Variants in EXT1 observed in about 807,000 individuals in gnomAD.
EXT1 encodes exostosin-1.
Under a neutral mutation model 82.5 loss-of-function variants are expected in EXT1, and 20 were observed. The ratio of observed to expected loss-of-function variants is 0.24; its 90% CI spans 0.17 to 0.35. The LOEUF (loss-of-function observed/expected upper bound fraction) is 0.35. Among genes scored for constraint, EXT1 ranks in the 10% least tolerant of loss-of-function variants. The pLI is 1.00. For synonymous variants in EXT1, 348 were observed against 350.8 expected, an observed-to-expected ratio of 0.99 and a Z score of 0.09; for missense variants, 757 against 936.5, an observed-to-expected ratio of 0.81 and a Z score of 2.50.
intron 1 of EXT1, among the ~76,000 whole-genome samples, chr8:118,017,988 A>C (rs1156846153): frequency 6.6e-6 from 1 of 152,242 alleles, no homozygotes; most frequent in Non-Finnish European, 1.5e-5. Context: ...ACTGTCAAGA[A>C]GGGGATTATA....
chr8:118,102,198 C>T (rs1334456615), intron 1 of EXT1, among the ~76,000 whole-genome samples: 1 of 151,916 alleles, frequency 6.6e-6, no homozygotes, highest in East Asian at 1.9e-4. Context: ...ACCCAGGAAG[C>T]GAAGGTTGCA....
In EXT1 at chr8:117,977,345, C is replaced by T. The variant is rs138749331; in HGVS notation, c.962+132740G>A. Among the ~76,000 whole-genome samples the T allele has an allele frequency of 5.4e-4, 80 of 147,636 alleles. No homozygotes were observed. In the East Asian group the frequency reaches 0.015, roughly 28 times the overall value. ...GAGGCTACAGCGAGCCGTGATTGTG[C>T]CACTGCATACCAGCCTGGGCAATAG... On this transcript the variant is annotated intron_variant, in intron 1 of 10. Coordinates refer to ENST00000378204, the MANE Select transcript of EXT1 (RefSeq NM_000127.3).
chr8:117,970,009 G>C (rs958520769), intron 1 of EXT1, among the ~76,000 whole-genome samples: 1 of 152,162 alleles, frequency 6.6e-6, no homozygotes, highest in African/African-American at 2.4e-5. Flanking sequence ...CCACAAAAAA[G>C]CCATGAGAAT....
intron 1 of EXT1, among the ~76,000 whole-genome samples, chr8:118,096,142 G>A (rs1204319089): frequency 2.0e-5 from 3 of 151,980 alleles, no homozygotes; most frequent in Non-Finnish European, 2.9e-5. Context: ...CAATCTTTTG[G>A]GAGAAAAACT....
In EXT1 at chr8:117,964,623, G is replaced by GTGTTTGTT. The variant is rs879779532; in HGVS notation, c.963-127430_963-127423dup. ...GTGGGTTTTATGTCTGTGTGTGTGT[G>GTGTTTGTT]TGTTTGTTTGTTTGTTTGTTTGTTT... is the stretch of plus-strand genomic sequence containing the variant. On this transcript the variant is annotated intron_variant, in intron 1 of 10. Coordinates refer to ENST00000378204, the MANE Select transcript of EXT1 (RefSeq NM_000127.3). Among the ~76,000 whole-genome samples the GTGTTTGTT allele has an allele frequency of 4.7e-5, 7 of 149,836 alleles. No individual in the cohort carries two copies. The East Asian group carries it at 5.8e-4, about 12-fold the overall frequency.
At chr8:118,102,829 CT>C (rs67827905) in intron 1 of EXT1, among the ~76,000 whole-genome samples, 4,777 of 150,582 alleles carry the variant, frequency 0.032, 223 homozygotes, top group African/African-American at 0.097. Flanking sequence ...GCTATGCATA[CT>C]TTTTTTTTTC....
chr8:117,969,454 C>T (rs937227172), intron 1 of EXT1, among the ~76,000 whole-genome samples: 9 of 152,146 alleles, frequency 5.9e-5, no homozygotes, highest in Non-Finnish European at 7.3e-5. Flanking sequence ...TAAAGTGAAA[C>T]GTCTCACTTT....
intron 1 of EXT1, among the ~76,000 whole-genome samples, chr8:118,099,722 A>G (rs1817683534): frequency 6.6e-6 from 1 of 152,242 alleles, no homozygotes; most frequent in Non-Finnish European, 1.5e-5. Context: ...GGACATAAAG[A>G]TTAAAGAAGA....
intron 1 of EXT1, among the ~76,000 whole-genome samples, chr8:117,969,479 G>A (rs1409650976): frequency 3.3e-5 from 5 of 152,196 alleles, no homozygotes; most frequent in Non-Finnish European, 7.3e-5. Context: ...TATGCACATT[G>A]ATCCCAGAGA....
At chr8:118,023,926 T>C (rs1816155326) in intron 1 of EXT1, among the ~76,000 whole-genome samples, 1 of 152,242 alleles carries the variant, frequency 6.6e-6, no homozygotes. Flanking sequence ...GGCTCCACAC[T>C]GCATGTGAAG....
chr8:117,854,458 A>G (rs918361463), intron 1 of EXT1, among the ~76,000 whole-genome samples: 1 of 152,170 alleles, frequency 6.6e-6, no homozygotes, highest in African/African-American at 2.4e-5. Flanking sequence ...ACACACACAC[A>G]CACATACACA....
chr8:117,877,012 C>A (rs529807628), intron 1 of EXT1, among the ~76,000 whole-genome samples: 1 of 152,096 alleles, frequency 6.6e-6, no homozygotes, highest in Non-Finnish European at 1.5e-5. Flanking sequence ...TAACAGAGAA[C>A]CCCTGGATGT....
chr8:117,929,402 C>A (rs1814009682), intron 1 of EXT1, among the ~76,000 whole-genome samples: 1 of 152,216 alleles, frequency 6.6e-6, no homozygotes. Flanking sequence ...CCTCCCTGCT[C>A]TTCAATGTGA....
chr8:117,873,966 T>C (rs1812922250), intron 1 of EXT1, among the ~76,000 whole-genome samples: 1 of 152,228 alleles, frequency 6.6e-6, no homozygotes, highest in African/African-American at 2.4e-5. Context: ...GTGGTAAATA[T>C]GCTACAAAGT....
At chr8:117,956,292 T>C (rs909166142) in intron 1 of EXT1, among the ~76,000 whole-genome samples, 1 of 152,092 alleles carries the variant, frequency 6.6e-6, no homozygotes, top group African/African-American at 2.4e-5. Context: ...TTTCCTCACC[T>C]AGAAGATCAG....
intron 1 of EXT1, among the ~76,000 whole-genome samples, chr8:117,925,265 T>C (rs1268788025): frequency 6.6e-6 from 1 of 152,082 alleles, no homozygotes; most frequent in Non-Finnish European, 1.5e-5. Flanking sequence ...ACAGGAGCTG[T>C]GTCTCTCTTA....
At chr8:117,975,180 A>G (rs1286580599) in intron 1 of EXT1, among the ~76,000 whole-genome samples, 1 of 152,162 alleles carries the variant, frequency 6.6e-6, no homozygotes, top group Non-Finnish European at 1.5e-5. Flanking sequence ...GACAGATTGT[A>G]TTTCTTTGGA....
At chr8:118,004,462 T>C (rs930744446) in intron 1 of EXT1, among the ~76,000 whole-genome samples, 2 of 152,178 alleles carry the variant, frequency 1.3e-5, no homozygotes, top group African/African-American at 2.4e-5. Flanking sequence ...GGGCAGAATA[T>C]AGAAAAACTG....
rs1815336035 is a variant in EXT1 at position 117,987,046 on chromosome 8, C to T, written c.962+123039G>A. ...AAGGAGAAAATGTTGGTAGAAACCTCTTCCCACTCACCCTACTTGAATTCG... is the reference window on the plus strand; with the variant it reads ...AAGGAGAAAATGTTGGTAGAAACCTTTTCCCACTCACCCTACTTGAATTCG... On this transcript the variant is annotated intron_variant, in intron 1 of 10. Transcript: ENST00000378204. Among the ~76,000 whole-genome samples, 3 of 152,184 alleles carry T rather than the reference C, an allele frequency of 2.0e-5. No individual in the cohort carries two copies. In the South Asian group the frequency reaches 6.2e-4, roughly 32 times the overall value.
Sources: gnomAD v4.1 joint callset for allele counts (sites outside exome capture counted in the v4.1 genomes callset) on GRCh38, gnomAD v4.1.1 for gene constraint, MANE v1.5 for transcripts, NCBI Gene and HGNC (gene_info 2026-07-23, HGNC 2026-07-21) for gene names.